FHIT: variants seen among roughly 807,000 people sequenced by gnomAD.
FHIT encodes fragile histidine triad diadenosine triphosphatase.
In FHIT, 19 loss-of-function variants were observed where a neutral mutation model predicts 17.9. The ratio of observed to expected loss-of-function variants is 1.06; its 90% CI spans 0.74 to 1.56. The LOEUF (loss-of-function observed/expected upper bound fraction) is 1.56. FHIT is among the 40% of genes most tolerant of loss of function. FHIT has a pLI of 0.00. For synonymous variants in FHIT, 81 were observed against 69.7 expected (o/e 1.16, Z -0.81); for missense variants, 248 against 189.2 (o/e 1.31, Z -1.82).
intron 8 of FHIT, among the ~76,000 whole-genome samples, chr3:59,819,111 A>G (rs1700704178): frequency 6.6e-6 from 1 of 152,222 alleles, no homozygotes; most frequent in Non-Finnish European, 1.5e-5. Context: ...TGCATCTTAT[A>G]GTTTAAACAT....
chr3:60,744,673 G>A lies in FHIT; in HGVS notation c.-18+77246C>T, dbSNP rs566840799. On this transcript the variant is annotated intron_variant, in intron 4 of 9. Transcript: ENST00000492590. ...GAAGTCTTGCCTGACCCAATACAGA[G>A]TGAAATGGGTGTAGTTGCTGCTACA... 2.3e-4 allele frequency among the ~76,000 whole-genome samples: 35 copies of A among 152,282 alleles called. No homozygotes were observed. In the South Asian group the frequency reaches 6.0e-3, roughly 26 times the overall value.
intron 5 of FHIT, among the ~76,000 whole-genome samples, chr3:60,307,237 T>A (rs1223532416): frequency 2.0e-5 from 3 of 152,148 alleles, no homozygotes; most frequent in African/African-American, 7.2e-5. Flanking sequence ...TTTCTTAACA[T>A]CTACAGAGAA....
intron 5 of FHIT, among the ~76,000 whole-genome samples, chr3:60,386,288 C>T (rs867206946): frequency 2.0e-5 from 3 of 152,088 alleles, no homozygotes; most frequent in Non-Finnish European, 4.4e-5. Context: ...TCCTATGAGC[C>T]GCAACCACCA....
At chr3:60,988,210 G>A (rs1197287163) in intron 3 of FHIT, among the ~76,000 whole-genome samples, 1 of 152,158 alleles carries the variant, frequency 6.6e-6, no homozygotes, top group Non-Finnish European at 1.5e-5. Context: ...TATAGCAGAT[G>A]ACAATTGCTA....
intron 3 of FHIT, among the ~76,000 whole-genome samples, chr3:60,846,470 A>G (rs1575592606): frequency 6.6e-6 from 1 of 152,222 alleles, no homozygotes; most frequent in Non-Finnish European, 1.5e-5. Context: ...CCTAAGGTAA[A>G]TGTTGCATAT....
intron 8 of FHIT, among the ~76,000 whole-genome samples, chr3:59,829,661 T>G (rs1701098238): frequency 6.6e-6 from 1 of 152,170 alleles, no homozygotes; most frequent in Admixed American, 6.5e-5. Flanking sequence ...GTGAGCATAC[T>G]CTGACCAGTT....
intron 4 of FHIT, among the ~76,000 whole-genome samples, chr3:60,552,484 C>T (rs1321846551): frequency 6.6e-6 from 1 of 152,168 alleles, no homozygotes; most frequent in East Asian, 1.9e-4. Context: ...TCCTCACCAA[C>T]ACCCCACTCC....
chr3:60,533,462 C>T (rs538278084), intron 5 of FHIT, among the ~76,000 whole-genome samples: 8 of 152,254 alleles, frequency 5.3e-5, no homozygotes, highest in South Asian at 4.2e-4. Flanking sequence ...TAGGGATGCA[C>T]GTACTTTGGA....
At chr3:60,971,664 A>G (rs1010113902) in intron 3 of FHIT, among the ~76,000 whole-genome samples, 1 of 152,056 alleles carries the variant, frequency 6.6e-6, no homozygotes, top group Non-Finnish European at 1.5e-5. Flanking sequence ...GTTTGTTTGC[A>G]GTTAGATCTA....
chr3:60,014,067 C>T lies in FHIT; in HGVS notation c.189G>A (p.Gln63=), dbSNP rs559566371. 1 of 1,613,956 alleles carries T rather than the reference C, an allele frequency of 6.2e-7. No individual in the cohort carries two copies. The highest frequency in any genetic ancestry group is 8.5e-7 in the Non-Finnish European group (1 of 1,179,980). The change falls in exon 6 of 10, where the codon CAG becomes CAA. Residue 63 remains glutamine, a synonymous_variant. Coordinates refer to ENST00000492590, the MANE Select transcript of FHIT (RefSeq NM_002012.4). ...GTTTTTCCACCACTGTCCCGACTCT[C>T]TGGGTCGTCTGAAACAAATCGGCCA... ...DEVADLFQTT[Q]RVGTVVEKHF...
At chr3:61,063,253 C>G (rs1227211934) in intron 2 of FHIT, among the ~76,000 whole-genome samples, 3 of 33,742 alleles carry the variant, frequency 8.9e-5, no homozygotes, top group Non-Finnish European at 3.4e-4. Flanking sequence ...GAGACTCTGT[C>G]TCAAAAAAAA....
chr3:59,950,513 A>G (rs908994929), intron 7 of FHIT, among the ~76,000 whole-genome samples: 1 of 151,666 alleles, frequency 6.6e-6, no homozygotes, highest in Non-Finnish European at 1.5e-5. Flanking sequence ...ACTTCTTTTA[A>G]TACAGTCAGA....
At chr3:60,564,653 G>C (rs1279435835) in intron 4 of FHIT, among the ~76,000 whole-genome samples, 1 of 152,060 alleles carries the variant, frequency 6.6e-6, no homozygotes. Context: ...GAAAAAAGCA[G>C]GAAAACTAGA....
chr3:60,125,950 A>G (rs9823129), intron 5 of FHIT, among the ~76,000 whole-genome samples: 78,792 of 151,906 alleles, frequency 0.52, 20,683 homozygotes, highest in Non-Finnish European at 0.56. Flanking sequence ...TGCTCCTTCA[A>G]ATCTCTTCCT....
At chr3:60,738,416 C>T (rs1207957003) in intron 4 of FHIT, among the ~76,000 whole-genome samples, 1 of 152,152 alleles carries the variant, frequency 6.6e-6, no homozygotes, top group Non-Finnish European at 1.5e-5. Context: ...GAGTCCAAGC[C>T]GAGGGACTTT....
At chr3:59,881,414 T>A (rs72872953) in intron 8 of FHIT, among the ~76,000 whole-genome samples, 10,577 of 152,296 alleles carry the variant, frequency 0.069, 1,187 homozygotes, top group African/African-American at 0.24. Context: ...AATAGCTCAT[T>A]ACTAAAAATC....
At chr3:60,582,951 T>G (rs2037793242) in intron 4 of FHIT, among the ~76,000 whole-genome samples, 1 of 151,932 alleles carries the variant, frequency 6.6e-6, no homozygotes, top group African/African-American at 2.4e-5. Context: ...AGCTAGGACT[T>G]GAACCCTATC....
At position 60,141,396 on chromosome 3, in the gene FHIT, A is replaced by C. The variant is rs1227920558; in HGVS notation, c.104-127244T>G. ...GCATGATGCCCATTAAAAAAAAAAAAAAAACACTGAAGACTTTACAAATAA... is the reference window on the plus strand; with the variant it reads ...GCATGATGCCCATTAAAAAAAAAAACAAAACACTGAAGACTTTACAAATAA... On this transcript the variant is annotated intron_variant, in intron 5 of 9. Transcript: ENST00000492590. Among the ~76,000 whole-genome samples, 14 of 152,196 alleles carry C rather than the reference A, an allele frequency of 9.2e-5. No individual in the cohort carries two copies. In the East Asian group the frequency reaches 1.4e-3, roughly 15 times the overall value.
intron 5 of FHIT, among the ~76,000 whole-genome samples, chr3:60,522,803 G>A (rs2035422707): frequency 6.6e-6 from 1 of 152,142 alleles, no homozygotes. Context: ...AAGAATTGAT[G>A]CTCTTTCCTT....
Sources: gnomAD v4.1 joint callset for allele counts (sites outside exome capture counted in the v4.1 genomes callset) on GRCh38, gnomAD v4.1.1 for gene constraint, MANE v1.5 for transcripts, NCBI Gene and HGNC (gene_info 2026-07-23, HGNC 2026-07-21) for gene names.